The following RNF157 variants were observed in gnomAD, a reference collection of about 807,000 sequenced individuals.
The protein encoded by RNF157 is ring finger protein 157, also known as E3 ubiquitin ligase RNF157.
Under a neutral mutation model 88.3 loss-of-function variants are expected in RNF157, and 55 were observed. The ratio of observed to expected loss-of-function variants is 0.62; its 90% confidence interval spans 0.50 to 0.78. The LOEUF (loss-of-function observed/expected upper bound fraction) is 0.78, where lower values mean the gene tolerates loss of function less well. Among genes scored for constraint, RNF157 ranks in the 30% least tolerant of loss-of-function variants. RNF157 has a pLI of 0.00. For synonymous variants in RNF157, 334 were observed against 341.2 expected, an observed-to-expected ratio of 0.98 and a Z score of 0.23; for missense variants, 788 against 860.8, an observed-to-expected ratio of 0.92 and a Z score of 1.06.
chr17:76,151,681 C>T (rs535715844), intron 18 of RNF157, among the ~76,000 whole-genome samples: 3 of 152,190 alleles, frequency 2.0e-5, no homozygotes, highest in Non-Finnish European at 2.9e-5. Context: ...TAACATGATC[C>T]TGTGTAAGGC....
chr17:76,201,783 C>G (rs906936673), intron 2 of RNF157, among the ~76,000 whole-genome samples: 8 of 151,986 alleles, frequency 5.3e-5, no homozygotes, highest in African/African-American at 1.9e-4. Flanking sequence ...GCAGATCTAT[C>G]TAATTTTTGC....
intron 2 of RNF157, among the ~76,000 whole-genome samples, chr17:76,207,021 T>C (rs2069692467): frequency 6.6e-6 from 1 of 152,212 alleles, no homozygotes; most frequent in African/African-American, 2.4e-5. Flanking sequence ...TGGTAAGATA[T>C]AAATAAAACT....
At chr17:76,158,348 TC>T (rs1332872132) in intron 13 of RNF157, 44 bp downstream of exon 13, 1 of 1,310,082 alleles carries the variant, frequency 7.6e-7, no homozygotes, top group South Asian at 1.2e-5. Flanking sequence ...AGGAGGGAAG[TC>T]CCTGGAGTAC....
intron 7 of RNF157, among the ~76,000 whole-genome samples, chr17:76,165,158 T>C (rs1325252902): frequency 1.3e-5 from 2 of 151,974 alleles, no homozygotes; most frequent in East Asian, 3.8e-4. Context: ...CCACTGGGGG[T>C]CTTGGAACTT....
In RNF157 at chr17:76,194,744, G is replaced by A. The variant is rs547045566; in HGVS notation, c.207+17620C>T. 1.1e-4 allele frequency among the ~76,000 whole-genome samples: 16 copies of A among 152,266 alleles called. No individual in the cohort carries two copies. The East Asian group carries it at 1.5e-3, about 15-fold the overall frequency. ...AAAACCACAAGAGCAGGCCGGGCAC[G>A]GTGGCTCACACCTGTAATCCCAGCA... On this transcript the variant is annotated intron_variant, in intron 2 of 18. Transcript: ENST00000269391.
At chr17:76,169,302 A>AT (rs1231919784) in intron 3 of RNF157, among the ~76,000 whole-genome samples, 2 of 152,030 alleles carry the variant, frequency 1.3e-5, no homozygotes, top group East Asian at 1.9e-4. Flanking sequence ...TCTAAAAGCT[A>AT]TTTTTTTGGT....
intron 3 of RNF157, among the ~76,000 whole-genome samples, chr17:76,170,795 A>G (rs1195153871): frequency 6.6e-6 from 1 of 152,086 alleles, no homozygotes; most frequent in Non-Finnish European, 1.5e-5. Context: ...AACGTTCACT[A>G]TGTGTTTCCA....
intron 2 of RNF157, among the ~76,000 whole-genome samples, chr17:76,192,208 T>C (rs1189738905): frequency 6.6e-6 from 1 of 152,222 alleles, no homozygotes; most frequent in Non-Finnish European, 1.5e-5. Context: ...ACCACAGCAG[T>C]TCTTTGTACT....
At chr17:76,182,836 T>TGATATATAG (rs149787194) in intron 2 of RNF157, among the ~76,000 whole-genome samples, 3 of 137,924 alleles carry the variant, frequency 2.2e-5, no homozygotes, top group East Asian at 2.0e-4. Flanking sequence ...ATCCTATATA[T>TGATATATAG]GATATATAGG....
intron 2 of RNF157, among the ~76,000 whole-genome samples, chr17:76,194,929 G>A (rs564884137): frequency 1.3e-5 from 2 of 152,172 alleles, no homozygotes; most frequent in East Asian, 3.9e-4. Flanking sequence ...GCAGCAGAAT[G>A]GCGTGAACCC....
chr17:76,147,057 T>C (rs2068596184), intron 18 of RNF157: 4 of 985,328 alleles, frequency 4.1e-6, no homozygotes, highest in Non-Finnish European at 4.8e-6. Context: ...CTCTCTCTCA[T>C]ATCCAAACTG....
intron 2 of RNF157, among the ~76,000 whole-genome samples, chr17:76,204,335 C>T (rs1305211720): frequency 6.6e-6 from 1 of 152,200 alleles, no homozygotes; most frequent in Non-Finnish European, 1.5e-5. Context: ...AAGCCCCTTC[C>T]CTGGAGAGAG....
chr17:76,196,185 C>A (rs1193996407), intron 2 of RNF157, among the ~76,000 whole-genome samples: 1 of 152,218 alleles, frequency 6.6e-6, no homozygotes, highest in African/African-American at 2.4e-5. Flanking sequence ...CTCTTAAATT[C>A]TTTCCTGAGC....
At position 76,161,769 on chromosome 17, in the gene RNF157, A is replaced by G. The variant is rs1598394452; in HGVS notation, c.952+74T>C. On this transcript the variant is annotated intron_variant, in intron 10 of 18. Coordinates refer to ENST00000269391, the MANE Select transcript of RNF157 (RefSeq NM_052916.3). This position sits in a 1 kb window ranked among gnomAD's most constrained non-coding sequence, Gnocchi z 4.6. ...CGTTTGTCAGATCCAGCAGCAGCAC[A>G]TGCTTCAGTGTTTTGTAAATGTCCT... The G allele has an allele frequency of 1.3e-6, 2 of 1,564,884 alleles. No individual in the cohort carries two copies. The highest frequency in any genetic ancestry group is 1.7e-6 in the Non-Finnish European group (2 of 1,143,784).
At chr17:76,220,759 A>G (rs1598439971) in intron 1 of RNF157, among the ~76,000 whole-genome samples, 1 of 152,020 alleles carries the variant, frequency 6.6e-6, no homozygotes, top group East Asian at 1.9e-4. Context: ...GGAGTTTGAC[A>G]CCAGCCTGGC....
At chr17:76,194,931 C>T (rs527389929) in intron 2 of RNF157, among the ~76,000 whole-genome samples, 17 of 152,234 alleles carry the variant, frequency 1.1e-4, no homozygotes, top group African/African-American at 2.9e-4. Flanking sequence ...AGCAGAATGG[C>T]GTGAACCCGG....
chr17:76,165,617 TC>T (rs2068910763), intron 6 of RNF157, 72 bp from the exon 7 acceptor site: 1 of 1,530,306 alleles, frequency 6.5e-7, no homozygotes, highest in Non-Finnish European at 9.1e-7. Context: ...TTTCTCCAGT[TC>T]CCTGCAATCT....
rs2289605 is a variant in RNF157, at chr17:76,160,671, G to C, written c.1065+864C>G. 0.3 allele frequency among the ~76,000 whole-genome samples: 45,162 copies of C among 151,930 alleles called. 7,692 individuals are homozygous for C. The highest frequency in any genetic ancestry group is 0.47 in the African/African-American group (19,508 of 41,408). On this transcript the variant is annotated intron_variant, in intron 11 of 18. Transcript: ENST00000269391. The surrounding 1 kb of genome is among the most constrained non-coding windows in gnomAD (Gnocchi z 4.3). ...TCCTCTGATACACACATTGTAAATA[G>C]TTTTTAAAAAAACACTATTTGTTGT...
chr17:76,184,303 C>A (rs1477640267), intron 2 of RNF157, among the ~76,000 whole-genome samples: 1 of 151,764 alleles, frequency 6.6e-6, no homozygotes, highest in Non-Finnish European at 1.5e-5. Context: ...GGGGTCATAT[C>A]AAAAACTCAT....
Sources: allele counts gnomAD v4.1 joint callset (sites outside exome capture counted in the v4.1 genomes callset), GRCh38; gene constraint gnomAD v4.1.1; non-coding constraint Gnocchi (gnomAD v3.1); transcripts MANE v1.5; gene names NCBI Gene and HGNC (gene_info 2026-07-23, HGNC 2026-07-21).